The following CERKL variants were observed in gnomAD, a reference collection of about 807,000 sequenced individuals.
CERKL encodes ceramide kinase-like protein.
CERKL carries 61 observed loss-of-function variants against 63.4 expected under a neutral mutation model. The observed-to-expected ratio is 0.96, with a 90% confidence interval of 0.78 to 1.19. The LOEUF (loss-of-function observed/expected upper bound fraction) is 1.19, where lower values mean the gene tolerates loss of function less well. Among genes scored for constraint, CERKL ranks in the 50% most tolerant of loss-of-function variants. The probability of loss-of-function intolerance (pLI) is 0.00; values close to 1 mark genes in which losing one functional copy is unlikely to be tolerated. For synonymous variants in CERKL, 250 were observed against 230.5 expected (o/e 1.08, Z -0.77); for missense variants, 675 against 655.5 (o/e 1.03, Z -0.33).
chr2:181,567,266 T>C (rs905053798), intron 3 of CERKL, among the ~76,000 whole-genome samples: 1 of 152,198 alleles, frequency 6.6e-6, no homozygotes, highest in Non-Finnish European at 1.5e-5. Flanking sequence ...TGATCATTCA[T>C]TTATAACTAC....
At chr2:181,568,670 C>CTTTTTTTTTTTTTTTTTTTTTTT (rs55645686) in intron 3 of CERKL, among the ~76,000 whole-genome samples, 1 of 144,044 alleles carries the variant, frequency 6.9e-6, no homozygotes. Context: ...GGAGTATTTT[C>CTTTTTTTTTTTTTTTTTTTTTTT]TTTTTTTTTT....
rs1371254321 is a variant in CERKL, at chr2:181,650,747, G to A, written c.238+6022C>T. Among the ~76,000 whole-genome samples, 8 of 148,578 alleles carry A rather than the reference G, an allele frequency of 5.4e-5. No individual in the cohort carries two copies. The South Asian group carries it at 1.3e-3, about 24-fold the overall frequency. ...GCACTCCAGCCTGGGCAACAAGAGC[G>A]AAACTCCATCTCAAAAAAAAAGAAA... On this transcript the variant is annotated intron_variant, in intron 1 of 12. Transcript: ENST00000410087.
chr2:181,598,721 G>C (rs1222582342), intron 2 of CERKL, among the ~76,000 whole-genome samples: 8 of 152,100 alleles, frequency 5.3e-5, no homozygotes, highest in African/African-American at 7.2e-5. Context: ...TAGAGTGTCA[G>C]CTCACAAATC....
chr2:181,603,803 G>A, intron 2 of CERKL, 34 bp downstream of exon 2: 1 of 1,606,858 alleles, frequency 6.2e-7, no homozygotes, highest in Admixed American at 1.7e-5. Flanking sequence ...CAAGGAAACT[G>A]GGCTGATTAA....
In CERKL at chr2:181,633,688, A is replaced by G. The variant is rs927871114; in HGVS notation, c.238+23081T>C. Among the ~76,000 whole-genome samples the G allele has an allele frequency of 2.0e-5, 3 of 152,174 alleles. No homozygotes were observed. In the South Asian group the frequency reaches 6.2e-4, roughly 31 times the overall value. On this transcript the variant is annotated intron_variant, in intron 1 of 12. Coordinates refer to ENST00000410087, the MANE Select transcript of CERKL (RefSeq NM_201548.5). ...AAAGCGTCGGGCAATGGAAATCTCA[A>G]TTGTTGCTTTTCAGTCAAGATCATG...
At chr2:181,595,690 T>A (rs901875848) in intron 2 of CERKL, among the ~76,000 whole-genome samples, 1 of 152,196 alleles carries the variant, frequency 6.6e-6, no homozygotes, top group African/African-American at 2.4e-5. Context: ...TTTTACATTA[T>A]GTAAGCCTTA....
chr2:181,553,508 T>C (rs1468321409), intron 5 of CERKL, among the ~76,000 whole-genome samples: 1 of 152,200 alleles, frequency 6.6e-6, no homozygotes, highest in Non-Finnish European at 1.5e-5. Flanking sequence ...CAATAGAGAA[T>C]GACACATATC....
chr2:181,656,571 G>A (rs1688165113), intron 1 of CERKL, among the ~76,000 whole-genome samples, 198 bp downstream of exon 1: 2 of 152,228 alleles, frequency 1.3e-5, no homozygotes, highest in South Asian at 4.1e-4. Flanking sequence ...GGGATGGGGC[G>A]AGAGGCGTGA....
intron 2 of CERKL, among the ~76,000 whole-genome samples, chr2:181,588,076 T>G (rs922036638): frequency 6.6e-6 from 1 of 152,158 alleles, no homozygotes; most frequent in African/African-American, 2.4e-5. Flanking sequence ...TTGAGCCAAT[T>G]TACATATGCA....
rs910634532 is a variant in CERKL, at chr2:181,550,870, G to C, written c.821-1162C>G. ...TTACTTCTAGTAATACCAGTGCAAA[G>C]AAAAGTTTATTTTAACTAAATGGCA... On this transcript the variant is annotated intron_variant, in intron 5 of 12. Transcript: ENST00000410087. This position sits in a 1 kb window ranked among gnomAD's most constrained non-coding sequence, Gnocchi z 4.5. 3.9e-5 allele frequency among the ~76,000 whole-genome samples: 6 copies of C among 152,186 alleles called. No individual in the cohort carries two copies. In the East Asian group the frequency reaches 1.2e-3, roughly 29 times the overall value.
chr2:181,598,847 TAC>T (rs1264860271), intron 2 of CERKL, among the ~76,000 whole-genome samples: 2 of 149,830 alleles, frequency 1.3e-5, no homozygotes, highest in Admixed American at 1.3e-4. Context: ...ACACACAACA[TAC>T]ACCATAGTCA....
intron 1 of CERKL, among the ~76,000 whole-genome samples, chr2:181,611,276 T>C (rs1057015732): frequency 9.9e-5 from 15 of 151,354 alleles, no homozygotes; most frequent in Non-Finnish European, 8.8e-5. Context: ...ATTATTTGAG[T>C]GAAACTTGGA....
intron 4 of CERKL, among the ~76,000 whole-genome samples, chr2:181,563,428 A>G (rs1688528000): frequency 6.6e-6 from 1 of 152,198 alleles, no homozygotes; most frequent in African/African-American, 2.4e-5. Flanking sequence ...TATACATAGA[A>G]TCTTTCTTGG....
intron 11 of CERKL, 127 bp downstream of exon 11, chr2:181,544,573 G>A (rs1189118627): frequency 1.6e-6 from 1 of 611,128 alleles, no homozygotes; most frequent in Non-Finnish European, 2.9e-6. Context: ...TTGGGAAAAA[G>A]AAGATTAATA....
chr2:181,594,190 C>T (rs1685099116), intron 2 of CERKL, among the ~76,000 whole-genome samples: 1 of 152,140 alleles, frequency 6.6e-6, no homozygotes, highest in South Asian at 2.1e-4. Flanking sequence ...TTATTGAACA[C>T]TTATTATATG....
At chr2:181,634,386 TATG>T in intron 1 of CERKL, among the ~76,000 whole-genome samples, 1 of 152,256 alleles carries the variant, frequency 6.6e-6, no homozygotes, top group Admixed American at 6.5e-5. Context: ...CTTATGGCAA[TATG>T]ATAATATCCG....
At chr2:181,591,854 C>A (rs1685002614) in intron 2 of CERKL, among the ~76,000 whole-genome samples, 1 of 152,096 alleles carries the variant, frequency 6.6e-6, no homozygotes, top group Admixed American at 6.6e-5. Flanking sequence ...ATTTAGCTCC[C>A]AGATGTTGGT....
intron 5 of CERKL, among the ~76,000 whole-genome samples, chr2:181,554,107 G>A (rs1161018642): frequency 7.3e-6 from 1 of 137,272 alleles, no homozygotes; most frequent in Non-Finnish European, 1.5e-5. Context: ...AGTAAGGACA[G>A]AAGTAGCAGT....
intron 12 of CERKL, among the ~76,000 whole-genome samples, chr2:181,538,775 G>C (rs1298521136): frequency 4.6e-5 from 7 of 152,272 alleles, no homozygotes; most frequent in Admixed American, 4.6e-4. Context: ...AAAGATTTAA[G>C]ATCTTGATCC....
Sources: gnomAD v4.1 joint callset for allele counts (sites outside exome capture counted in the v4.1 genomes callset) on GRCh38, gnomAD v4.1.1 for gene constraint, Gnocchi (gnomAD v3.1) non-coding constraint, MANE v1.5 for transcripts, NCBI Gene and HGNC (gene_info 2026-07-23, HGNC 2026-07-21) for gene names.